LRP1B: variants seen among roughly 807,000 people sequenced by gnomAD.
The protein encoded by LRP1B is low-density lipoprotein receptor-related protein 1B.
LRP1B carries 217 observed loss-of-function variants against 556.6 expected under a neutral mutation model. That is an observed-to-expected ratio of 0.39 (90% CI 0.35 to 0.44). The LOEUF is 0.44. LRP1B is among the 20% of genes least tolerant of loss of function. The probability of loss-of-function intolerance (pLI) is 1.00; values close to 1 mark genes in which losing one functional copy is unlikely to be tolerated. For missense variants in LRP1B, 5,053 were observed against 5,620.8 expected (o/e 0.90, Z 3.23); for synonymous variants, 2,047 against 1,865.8 (o/e 1.10, Z -2.50).
At chr2:140,584,189 C>T (rs1427603439) in intron 43 of LRP1B, among the ~76,000 whole-genome samples, 2 of 151,744 alleles carry the variant, frequency 1.3e-5, no homozygotes, top group East Asian at 1.9e-4. Context: ...AAGAACAATA[C>T]AAAAAATAAG....
chr2:140,554,744 A>G (rs1680665001), intron 43 of LRP1B, among the ~76,000 whole-genome samples: 1 of 152,020 alleles, frequency 6.6e-6, no homozygotes, highest in South Asian at 2.1e-4. Context: ...CTTAACTTTC[A>G]ATAATTATTT....
chr2:140,242,116 G>A (rs566099860), intron 87 of LRP1B, among the ~76,000 whole-genome samples: 2 of 151,108 alleles, frequency 1.3e-5, no homozygotes, highest in South Asian at 4.2e-4. Flanking sequence ...ATGGAGCCAG[G>A]CTACCTCTAT....
chr2:140,734,526 T>C (rs1687881950), intron 35 of LRP1B, among the ~76,000 whole-genome samples: 1 of 152,172 alleles, frequency 6.6e-6, no homozygotes, highest in Non-Finnish European at 1.5e-5. Flanking sequence ...ATTATGATGA[T>C]AAAACAGTCA....
chr2:141,951,683 A>T (rs1184013038), intron 1 of LRP1B, among the ~76,000 whole-genome samples: 1 of 152,166 alleles, frequency 6.6e-6, no homozygotes, highest in Non-Finnish European at 1.5e-5. Flanking sequence ...AAAGCTAACT[A>T]AATTAGCATC....
intron 17 of LRP1B, among the ~76,000 whole-genome samples, chr2:140,985,783 G>T (rs6750797): frequency 0.52 from 78,484 of 151,580 alleles, 22,870 homozygotes; most frequent in Non-Finnish European, 0.65. Flanking sequence ...ATCTAGAAAG[G>T]TATAGGAAAT....
At chr2:141,501,293 A>G (rs535828268) in intron 2 of LRP1B, among the ~76,000 whole-genome samples, 2 of 152,274 alleles carry the variant, frequency 1.3e-5, no homozygotes, top group Admixed American at 1.3e-4. Flanking sequence ...TGTATGTGGT[A>G]TACCTCAAGA....
intron 47 of LRP1B, among the ~76,000 whole-genome samples, chr2:140,528,566 G>A (rs946327348): frequency 6.6e-6 from 1 of 151,792 alleles, no homozygotes; most frequent in African/African-American, 2.4e-5. Context: ...GGCTATCAGA[G>A]TGTGTAAGAG....
intron 3 of LRP1B, among the ~76,000 whole-genome samples, chr2:141,435,995 T>G (rs1038160780): frequency 1.3e-5 from 2 of 152,144 alleles, no homozygotes; most frequent in African/African-American, 2.4e-5. Flanking sequence ...TAGTATAATT[T>G]CCATAACATG....
intron 11 of LRP1B, among the ~76,000 whole-genome samples, chr2:141,047,265 C>A (rs920597192): frequency 1.3e-5 from 2 of 152,028 alleles, no homozygotes; most frequent in Non-Finnish European, 2.9e-5. Context: ...AAATTAGATA[C>A]TCCTTTGGAA....
rs550905869 is a variant in LRP1B at position 141,013,143 on chromosome 2, T to A, written c.2380+413A>T. Among the ~76,000 whole-genome samples, 10 of 151,978 alleles carry A rather than the reference T, an allele frequency of 6.6e-5. No individual in the cohort carries two copies. The East Asian group carries it at 1.7e-3, about 26-fold the overall frequency. On this transcript the variant is annotated intron_variant, in intron 14 of 90. Coordinates refer to ENST00000389484, the MANE Select transcript of LRP1B (RefSeq NM_018557.3). ...AATTATAAACTTACTAAGATACTTT[T>A]AAAAAATAACATTTTTCTTGTATAA...
chr2:140,460,002 C>T (rs943440327), intron 60 of LRP1B, among the ~76,000 whole-genome samples: 1 of 152,124 alleles, frequency 6.6e-6, no homozygotes, highest in East Asian at 1.9e-4. Flanking sequence ...GTCAATTAAA[C>T]ATTTTTTTCT....
intron 2 of LRP1B, among the ~76,000 whole-genome samples, chr2:141,535,946 TTA>T (rs934528446): frequency 2.6e-5 from 4 of 152,152 alleles, no homozygotes; most frequent in African/African-American, 7.2e-5. Context: ...TAGCCTAAGT[TTA>T]TATCTCTTAC....
chr2:140,799,829 G>A (rs1690443722), intron 32 of LRP1B, among the ~76,000 whole-genome samples: 1 of 152,144 alleles, frequency 6.6e-6, no homozygotes, highest in African/African-American at 2.4e-5. Context: ...CCCAGCCTGA[G>A]TGATGCAGAA....
intron 1 of LRP1B, among the ~76,000 whole-genome samples, chr2:141,991,527 A>T (rs1248176705): frequency 6.6e-6 from 1 of 152,086 alleles, no homozygotes; most frequent in Non-Finnish European, 1.5e-5. Context: ...ACACACACAC[A>T]TAACTGCACA....
chr2:141,639,993 C>T (rs1275927242), intron 2 of LRP1B, among the ~76,000 whole-genome samples: 1 of 152,128 alleles, frequency 6.6e-6, no homozygotes, highest in Non-Finnish European at 1.5e-5. Flanking sequence ...TTAAAGTATT[C>T]CCTTGGAAAT....
intron 7 of LRP1B, among the ~76,000 whole-genome samples, chr2:141,154,160 A>G (rs923056622): frequency 3.3e-5 from 5 of 151,856 alleles, no homozygotes; most frequent in Non-Finnish European, 7.4e-5. Context: ...TACGACTGAA[A>G]AGACTATAGT....
chr2:140,808,061 C>T (rs779178112), intron 32 of LRP1B, among the ~76,000 whole-genome samples: 1 of 152,066 alleles, frequency 6.6e-6, no homozygotes, highest in Non-Finnish European at 1.5e-5. Flanking sequence ...CACTGCATTC[C>T]AGCCTAGGTG....
At chr2:142,011,208 A>G (rs1025214137) in intron 1 of LRP1B, among the ~76,000 whole-genome samples, 3 of 152,192 alleles carry the variant, frequency 2.0e-5, no homozygotes, top group Admixed American at 1.3e-4. Flanking sequence ...CTTCAATTTT[A>G]TATCTCTGAT....
Position 141,531,128 on chromosome 2 carries a change from T to C in LRP1B, c.206-50595A>G, listed in dbSNP as rs140681324. Reference sequence around the variant, plus strand: ...CAAGAAGGTAGTGAATGTATCTGCATTGGATAGATGTAGCTATAGAATGCC... The same window carrying C: ...CAAGAAGGTAGTGAATGTATCTGCACTGGATAGATGTAGCTATAGAATGCC... On this transcript the variant is annotated intron_variant, in intron 2 of 90. Transcript: ENST00000389484. Among the ~76,000 whole-genome samples, 153 of 152,158 alleles carry C rather than the reference T, an allele frequency of 1.0e-3. 1 individual carries two copies. The highest frequency in any genetic ancestry group is 3.5e-3 in the African/African-American group (144 of 41,530).
Sources: gnomAD v4.1 joint callset for allele counts (sites outside exome capture counted in the v4.1 genomes callset) on GRCh38, gnomAD v4.1.1 for gene constraint, MANE v1.5 for transcripts, NCBI Gene and HGNC (gene_info 2026-07-23, HGNC 2026-07-21) for gene names.